Variants in APLP2 observed in about 807,000 individuals in gnomAD.
APLP2 encodes amyloid beta precursor like protein 2, also known as CDEI box-binding protein.
Under a neutral mutation model 89.9 loss-of-function variants are expected in APLP2, and 53 were observed. The observed-to-expected ratio is 0.59, with a 90% confidence interval of 0.47 to 0.74. APLP2 has a LOEUF of 0.74. APLP2 is among the 30% of genes least tolerant of loss of function. The pLI is 0.00. For synonymous variants in APLP2, 372 were observed against 348.6 expected, an observed-to-expected ratio of 1.07 and a Z score of -0.75; for missense variants, 973 against 975.9, an observed-to-expected ratio of 1.00 and a Z score of 0.04.
At chr11:130,090,149 A>C (rs755708338) in intron 1 of APLP2, among the ~76,000 whole-genome samples, 4 of 152,016 alleles carry the variant, frequency 2.6e-5, no homozygotes, top group Non-Finnish European at 5.9e-5. Context: ...TGATCTTGGG[A>C]ATACTTTCCC....
At chr11:130,138,248 T>G (rs900277954) in intron 13 of APLP2, among the ~76,000 whole-genome samples, 2 of 152,216 alleles carry the variant, frequency 1.3e-5, no homozygotes, top group South Asian at 2.1e-4. Context: ...GAAGGTGGTG[T>G]TCTGGTTTAC....
rs112573341 is a variant in APLP2, at chr11:130,140,432, C to G, written c.1872C>G (p.Ile624Met). 5 of 1,610,994 alleles carry G rather than the reference C, an allele frequency of 3.1e-6. No homozygotes were observed. Among genetic ancestry groups the G allele is most frequent in the Non-Finnish European group, 4.2e-6 (5 of 1,178,792 alleles). Residue 624 changes from isoleucine to methionine, a missense_variant, in exon 14 of 17, where the codon ATC (isoleucine) becomes ATG (methionine). Transcript: ENST00000338167. ...TGGGAGAGCAGGATGGGGGACTGAT[C>G]GGTGCCGAAGAGAAAGTGATTAACA... ...SGVGEQDGGL[I>M]GAEEKVINSK... is the part of the protein sequence containing the mutation.
rs7110202 is a variant in APLP2 at position 130,123,324 on chromosome 11, G to C, written c.923-288G>C. Reference sequence around the variant, plus strand: ...AACAGATCAGAAATGTGAGGCTCTCGCAGCTGTGAGACAAAGGAATTGCTC... The same window carrying C: ...AACAGATCAGAAATGTGAGGCTCTCCCAGCTGTGAGACAAAGGAATTGCTC... On this transcript the variant is annotated intron_variant, in intron 6 of 16. Transcript: ENST00000338167. This position sits in a 1 kb window ranked among gnomAD's most constrained non-coding sequence, Gnocchi z 4.0. Among the ~76,000 whole-genome samples the C allele has an allele frequency of 3.3e-3, 502 of 152,198 alleles. 2 individuals carry two copies. The highest frequency in any genetic ancestry group is 0.012 in the African/African-American group (478 of 41,484).
chr11:130,134,185 C>A (rs1374339172), intron 12 of APLP2, among the ~76,000 whole-genome samples: 1 of 152,166 alleles, frequency 6.6e-6, no homozygotes, highest in African/African-American at 2.4e-5. Flanking sequence ...ATGGTACCTG[C>A]TGGAGTTGAT....
At chr11:130,093,972 C>G (rs1945822197) in intron 1 of APLP2, among the ~76,000 whole-genome samples, 1 of 151,750 alleles carries the variant, frequency 6.6e-6, no homozygotes, top group South Asian at 2.1e-4. Flanking sequence ...ATCTTGATCT[C>G]CTGACCTCGT....
intron 1 of APLP2, among the ~76,000 whole-genome samples, chr11:130,071,029 C>CTTTTTTTTTTTTTTTTTTTTTTTTTTTT (rs1940962529): frequency 6.6e-6 from 1 of 152,254 alleles, no homozygotes; most frequent in African/African-American, 2.4e-5. Context: ...CGAGCTTGAT[C>CTTTTTTTTTTTTTTTTTTTTTTTTTTTT]TTTACTTCCC....
rs1372881517 is a variant in APLP2 at position 130,139,925 on chromosome 11, G to C, written c.1838-473G>C. ...AGGGAAAATAAGAGTTTAGGTTGGG[G>C]AGGGTATTTGAGGCAGAATGAATTC... On this transcript the variant is annotated intron_variant, in intron 13 of 16. Coordinates refer to ENST00000338167, the MANE Select transcript of APLP2 (RefSeq NM_001142276.2). Among the ~76,000 whole-genome samples the C allele has an allele frequency of 2.0e-5, 3 of 152,268 alleles. No homozygotes were observed. The South Asian group carries it at 6.2e-4, about 32-fold the overall frequency.
At chr11:130,117,452 T>C (rs1949324157) in intron 3 of APLP2, among the ~76,000 whole-genome samples, 1 of 152,146 alleles carries the variant, frequency 6.6e-6, no homozygotes, top group African/African-American at 2.4e-5. Context: ...TCCATCTTTT[T>C]TTTTTTCTGA....
intron 1 of APLP2, among the ~76,000 whole-genome samples, chr11:130,073,675 T>C (rs959144190): frequency 3.9e-5 from 6 of 152,294 alleles, no homozygotes; most frequent in African/African-American, 1.4e-4. Flanking sequence ...ACTCCGTCTC[T>C]ACTAAAAATA....
rs1233866376 is a variant in APLP2 at position 130,121,928 on chromosome 11, C to G, written c.713+118C>G. ...ATAAACTGGGCATTCCTTTGTTCTG[C>G]TAGAGTTGATTAAGCTTGCATTTCA... On this transcript the variant is annotated intron_variant, in intron 5 of 16. Transcript: ENST00000338167. The G allele has an allele frequency of 2.8e-6, 4 of 1,446,578 alleles. No individual in the cohort carries two copies. The African/African-American group carries it at 5.7e-5, about 20-fold the overall frequency. 89.6% of individuals were successfully genotyped at this position (1,446,578 alleles called of 1,614,324 possible). A position where few individuals can be genotyped will look rare whatever the true frequency, so the allele number is the denominator to read the frequency against.
intron 12 of APLP2, 28 bp downstream of exon 12, chr11:130,133,756 C>A: frequency 6.5e-7 from 1 of 1,539,712 alleles, no homozygotes; most frequent in South Asian, 1.1e-5. Context: ...GTGTCAAGGT[C>A]ATACGGGACT....
At chr11:130,084,966 A>G (rs1473527169) in intron 1 of APLP2, among the ~76,000 whole-genome samples, 1 of 152,236 alleles carries the variant, frequency 6.6e-6, no homozygotes, top group East Asian at 1.9e-4. Flanking sequence ...AAGAGGAGAC[A>G]TTACAATTGA....
At chr11:130,091,115 A>T (rs1945007614) in intron 1 of APLP2, among the ~76,000 whole-genome samples, 1 of 131,282 alleles carries the variant, frequency 7.6e-6, no homozygotes, top group Non-Finnish European at 1.6e-5. Context: ...TCCCTCCCGG[A>T]CGGGGCGGCT....
chr11:130,109,301 T>G lies in APLP2; in HGVS notation c.106-128T>G, dbSNP rs1591807044. 7.4e-6 allele frequency: 6 copies of G among 810,736 alleles called. No individual in the cohort carries two copies. The East Asian group carries it at 1.8e-4, about 24-fold the overall frequency. The allele number at this position is 810,736 out of a possible 1,614,324, so 50.2% of individuals were successfully genotyped here. A position where few individuals can be genotyped will look rare whatever the true frequency, so the allele number is the denominator to read the frequency against. ...TTCTAGCTCCTGGGAAAAGGATTTG[T>G]TTGTGAAGATACAAATAGTAAATAA... On this transcript the variant is annotated intron_variant, in intron 1 of 16. Transcript: ENST00000338167.
At chr11:130,107,673 C>A (rs931462141) in intron 1 of APLP2, among the ~76,000 whole-genome samples, 1 of 152,212 alleles carries the variant, frequency 6.6e-6, no homozygotes, top group African/African-American at 2.4e-5. Context: ...CCATCCCCAT[C>A]AAGCTACCAA....
intron 1 of APLP2, among the ~76,000 whole-genome samples, chr11:130,086,341 G>T (rs758439139): frequency 6.6e-6 from 1 of 152,174 alleles, no homozygotes; most frequent in South Asian, 2.1e-4. Context: ...AAAAATGTCC[G>T]TTGAAGTCTT....
intron 13 of APLP2, among the ~76,000 whole-genome samples, chr11:130,137,670 G>C (rs2136115528): frequency 6.6e-6 from 1 of 152,316 alleles, no homozygotes; most frequent in East Asian, 1.9e-4. Flanking sequence ...TTTACAGTCA[G>C]GTGGAGAGTC....
intron 3 of APLP2, among the ~76,000 whole-genome samples, chr11:130,113,857 T>C (rs1210797325): frequency 1.3e-5 from 2 of 152,220 alleles, no homozygotes; most frequent in Non-Finnish European, 2.9e-5. Context: ...AGTTCCTCTG[T>C]GTACCCTTCA....
chr11:130,079,063 G>A (rs1195505663), intron 1 of APLP2, among the ~76,000 whole-genome samples: 2 of 151,272 alleles, frequency 1.3e-5, no homozygotes, highest in Non-Finnish European at 2.9e-5. Context: ...TTTCCAATCC[G>A]GGAACATGAC....
Sources: gnomAD v4.1 joint callset for allele counts (sites outside exome capture counted in the v4.1 genomes callset) on GRCh38, gnomAD v4.1.1 for gene constraint, Gnocchi (gnomAD v3.1) non-coding constraint, MANE v1.5 for transcripts, NCBI Gene and HGNC (gene_info 2026-07-23, HGNC 2026-07-21) for gene names.